Variants in DNAJC1 observed in about 807,000 individuals in gnomAD.
DNAJC1 encodes DnaJ heat shock protein family (Hsp40) member C1.
A neutral mutation model predicts 76.6 loss-of-function variants in DNAJC1; 58 were observed. The ratio of observed to expected loss-of-function variants is 0.76; its 90% CI spans 0.61 to 0.94. The LOEUF (loss-of-function observed/expected upper bound fraction) is 0.94. Ranked by LOEUF, DNAJC1 falls within the 40% of genes least tolerant of loss-of-function variation. DNAJC1 has a pLI of 0.00. For missense variants in DNAJC1, 689 were observed against 677.3 expected (o/e 1.02, Z -0.19); for synonymous variants, 258 against 267.9 (o/e 0.96, Z 0.36).
At chr10:21,934,756 G>C (rs1837285089) in intron 1 of DNAJC1, among the ~76,000 whole-genome samples, 1 of 152,150 alleles carries the variant, frequency 6.6e-6, no homozygotes, top group African/African-American at 2.4e-5. Flanking sequence ...TAAATACACT[G>C]TGATATTCAC....
chr10:21,954,166 C>T lies in DNAJC1; in HGVS notation c.223-25025G>A, dbSNP rs539702561. On this transcript the variant is annotated intron_variant, in intron 1 of 11. Transcript: ENST00000376980. ...GCGATGAGAAACACAAATACTTACT[C>T]GGGATTAATGAATTTTACAGTACAC... 1.6e-4 allele frequency among the ~76,000 whole-genome samples: 24 copies of T among 152,052 alleles called. No homozygotes were observed. The South Asian group carries it at 4.6e-3, about 29-fold the overall frequency.
At chr10:21,807,116 C>T (rs1188360854) in intron 8 of DNAJC1, among the ~76,000 whole-genome samples, 1 of 152,036 alleles carries the variant, frequency 6.6e-6, no homozygotes, top group African/African-American at 2.4e-5. Flanking sequence ...GGAAGCCTAC[C>T]TTATTTTCCT....
intron 8 of DNAJC1, among the ~76,000 whole-genome samples, chr10:21,821,790 G>A (rs1021845854): frequency 1.3e-5 from 2 of 151,304 alleles, no homozygotes; most frequent in African/African-American, 2.4e-5. Flanking sequence ...TGACCTCAAG[G>A]GAACAAGTAT....
At chr10:21,778,782 C>T (rs142527480) in intron 9 of DNAJC1, among the ~76,000 whole-genome samples, 4,964 of 152,260 alleles carry the variant, frequency 0.033, 142 homozygotes, top group African/African-American at 0.07. Context: ...AAGCGTGAGC[C>T]GAAGCAGGGC....
At chr10:21,766,815 C>G (rs934374069) in intron 9 of DNAJC1, among the ~76,000 whole-genome samples, 3 of 151,738 alleles carry the variant, frequency 2.0e-5, no homozygotes, top group African/African-American at 7.3e-5. Context: ...TATGAAAATA[C>G]AAAAAGTAGC....
At chr10:21,833,554 G>C (rs944104891) in intron 8 of DNAJC1, among the ~76,000 whole-genome samples, 2 of 152,176 alleles carry the variant, frequency 1.3e-5, no homozygotes, top group Admixed American at 1.3e-4. Flanking sequence ...GCTATGTCAT[G>C]TATTAGCTAA....
At chr10:21,858,641 G>A (rs1435430992) in intron 8 of DNAJC1, among the ~76,000 whole-genome samples, 1 of 152,186 alleles carries the variant, frequency 6.6e-6, no homozygotes, top group Non-Finnish European at 1.5e-5. Context: ...ACAGCCCATG[G>A]CAATAAGGAT....
At chr10:21,838,933 G>A (rs974482538) in intron 8 of DNAJC1, among the ~76,000 whole-genome samples, 16 of 152,176 alleles carry the variant, frequency 1.1e-4, no homozygotes, top group East Asian at 9.7e-4. Flanking sequence ...ACTAGAACTC[G>A]GGATTAAGAA....
intron 6 of DNAJC1, among the ~76,000 whole-genome samples, chr10:21,911,190 C>G (rs1041705118): frequency 6.6e-6 from 1 of 151,798 alleles, no homozygotes; most frequent in Non-Finnish European, 1.5e-5. Flanking sequence ...CGTGGAAGAG[C>G]TATGAGGAAG....
At chr10:21,819,400 T>C (rs1228845941) in intron 8 of DNAJC1, among the ~76,000 whole-genome samples, 2 of 150,388 alleles carry the variant, frequency 1.3e-5, no homozygotes, top group African/African-American at 4.9e-5. Flanking sequence ...AAACTCCGTC[T>C]CAAAAAAAAA....
intron 1 of DNAJC1, among the ~76,000 whole-genome samples, chr10:21,937,364 A>G (rs1003231774): frequency 4.6e-5 from 7 of 152,294 alleles, no homozygotes; most frequent in Middle Eastern, 6.8e-3. Flanking sequence ...AAATTGTTAC[A>G]AAAGACAAAG....
chr10:21,819,062 T>C (rs1006244171), intron 8 of DNAJC1, among the ~76,000 whole-genome samples: 1 of 152,164 alleles, frequency 6.6e-6, no homozygotes, highest in Non-Finnish European at 1.5e-5. Context: ...CTTTACAATG[T>C]GACACTAGCT....
At chr10:21,948,307 T>G (rs1779600889) in intron 1 of DNAJC1, among the ~76,000 whole-genome samples, 1 of 152,198 alleles carries the variant, frequency 6.6e-6, no homozygotes, top group South Asian at 2.1e-4. Flanking sequence ...ATATTTGAAT[T>G]TCTGTATATT....
intron 4 of DNAJC1, among the ~76,000 whole-genome samples, chr10:21,920,282 GT>G (rs1837020026): frequency 6.6e-6 from 1 of 151,972 alleles, no homozygotes; most frequent in Non-Finnish European, 1.5e-5. Flanking sequence ...TGATAAATAT[GT>G]TTGATTATCT....
intron 6 of DNAJC1, among the ~76,000 whole-genome samples, chr10:21,914,781 T>A (rs1000417089): frequency 1.1e-4 from 16 of 152,192 alleles, no homozygotes; most frequent in African/African-American, 3.6e-4. Flanking sequence ...AAATTATCTT[T>A]GTATACCACC....
At chr10:21,927,227 A>C (rs1837142906) in intron 3 of DNAJC1, among the ~76,000 whole-genome samples, 1 of 152,238 alleles carries the variant, frequency 6.6e-6, no homozygotes, top group African/African-American at 2.4e-5. Flanking sequence ...AGTGAAGAAC[A>C]CTTTAAGAGA....
chr10:21,780,432 G>A (rs1834512446), intron 9 of DNAJC1, among the ~76,000 whole-genome samples: 1 of 152,176 alleles, frequency 6.6e-6, no homozygotes, highest in Non-Finnish European at 1.5e-5. Flanking sequence ...GACAGTGGGG[G>A]CCAATATTCA....
intron 9 of DNAJC1, among the ~76,000 whole-genome samples, chr10:21,780,748 T>A (rs974337162): frequency 2.6e-5 from 4 of 152,084 alleles, no homozygotes; most frequent in African/African-American, 9.7e-5. Flanking sequence ...CATAACAATA[T>A]TAACCTTAAA....
chr10:21,853,890 G>A (rs1835793297), intron 8 of DNAJC1, among the ~76,000 whole-genome samples: 1 of 150,384 alleles, frequency 6.6e-6, no homozygotes, highest in Admixed American at 6.6e-5. Flanking sequence ...TATCAAGTTA[G>A]CTCTGCCACC....
Sources: gnomAD v4.1 joint callset for allele counts (sites outside exome capture counted in the v4.1 genomes callset) on GRCh38, gnomAD v4.1.1 for gene constraint, MANE v1.5 for transcripts, NCBI Gene and HGNC (gene_info 2026-07-23, HGNC 2026-07-21) for gene names.